Variants in RAB38 observed in about 807,000 individuals in gnomAD.
RAB38 encodes the protein ras-related protein Rab-38.
In RAB38, 15 loss-of-function variants were observed where a neutral mutation model predicts 18.4. The ratio of observed to expected loss-of-function variants is 0.82; its 90% CI spans 0.55 to 1.26. The LOEUF (loss-of-function observed/expected upper bound fraction) is 1.26. Among genes scored for constraint, RAB38 ranks in the 50% most tolerant of loss-of-function variants. The pLI is 0.00. For missense variants in RAB38, 294 were observed against 267.4 expected (o/e 1.10, Z -0.69); for synonymous variants, 101 against 104.4 (o/e 0.97, Z 0.20).
intron 2 of RAB38, among the ~76,000 whole-genome samples, chr11:88,124,123 T>C (rs1186649662): frequency 6.6e-6 from 1 of 152,200 alleles, no homozygotes; most frequent in African/African-American, 2.4e-5. Context: ...AATGGATGTG[T>C]TGATAAAGCT....
chr11:87,849,498 A>G, the RAB38 span, among the ~76,000 whole-genome samples: 2 of 152,114 alleles, frequency 1.3e-5, no homozygotes, highest in African/African-American at 4.8e-5. Flanking sequence ...CTGTTCCCTC[A>G]GGTCATGCCA....
chr11:87,904,147 T>C, the RAB38 span, among the ~76,000 whole-genome samples: 1 of 151,704 alleles, frequency 6.6e-6, no homozygotes, highest in Admixed American at 6.6e-5. Context: ...CAGTTTGTTA[T>C]TGGGTATACT....
At chr11:87,902,485 G>A in the RAB38 span, among the ~76,000 whole-genome samples, 1 of 151,242 alleles carries the variant, frequency 6.6e-6, no homozygotes, top group African/African-American at 2.4e-5. Context: ...TACTGTTTTG[G>A]TCATTCCAGG....
chr11:88,173,699 A>C, intron 1 of RAB38: 1 of 982,188 alleles, frequency 1.0e-6, no homozygotes, highest in Non-Finnish European at 1.2e-6. Flanking sequence ...ATGCAGCAAG[A>C]AAGTACACAG....
the RAB38 span, among the ~76,000 whole-genome samples, chr11:88,005,441 T>G: frequency 2.0e-5 from 3 of 151,422 alleles, no homozygotes; most frequent in African/African-American, 7.2e-5. Context: ...TAAAAATAAA[T>G]GAGCAATGAG....
the RAB38 span, among the ~76,000 whole-genome samples, chr11:88,011,406 C>T: frequency 6.6e-6 from 1 of 152,112 alleles, no homozygotes; most frequent in African/African-American, 2.4e-5. Flanking sequence ...CGTATTATTC[C>T]TATTTTACAA....
intron 1 of RAB38, among the ~76,000 whole-genome samples, chr11:88,162,690 G>T (rs1322050661): frequency 6.6e-6 from 1 of 151,918 alleles, no homozygotes; most frequent in Non-Finnish European, 1.5e-5. Flanking sequence ...TACTAGTTTT[G>T]TTCTATAACT....
At chr11:88,086,378 A>T in the RAB38 span, among the ~76,000 whole-genome samples, 1 of 151,900 alleles carries the variant, frequency 6.6e-6, no homozygotes, top group Non-Finnish European at 1.5e-5. Flanking sequence ...TGTTGTAACC[A>T]CATATTCTCC....
the RAB38 span, among the ~76,000 whole-genome samples, chr11:87,843,671 T>C: frequency 6.6e-6 from 1 of 152,228 alleles, no homozygotes; most frequent in African/African-American, 2.4e-5. Flanking sequence ...AAGCCTAAAT[T>C]TGCTTGTACA....
At chr11:88,071,381 GA>G in the RAB38 span, among the ~76,000 whole-genome samples, 2 of 152,216 alleles carry the variant, frequency 1.3e-5, no homozygotes, top group East Asian at 1.9e-4. Context: ...GGCCCAGCAA[GA>G]TCTACTGTTT....
the RAB38 span, among the ~76,000 whole-genome samples, chr11:87,824,664 T>C: frequency 3.7e-3 from 563 of 151,828 alleles, 4 homozygotes; most frequent in African/African-American, 0.013. Context: ...CATAGAAGAA[T>C]TGAAAGAGAA....
At chr11:87,860,936 G>A in the RAB38 span, among the ~76,000 whole-genome samples, 2 of 151,784 alleles carry the variant, frequency 1.3e-5, no homozygotes, top group South Asian at 4.1e-4. Flanking sequence ...TTCAAAAGAA[G>A]CCCCCATCTC....
the RAB38 span, among the ~76,000 whole-genome samples, chr11:87,829,596 A>G: frequency 6.6e-6 from 1 of 152,122 alleles, no homozygotes; most frequent in Non-Finnish European, 1.5e-5. Flanking sequence ...ATGGGGGAAA[A>G]TGCTCCCAGG....
chr11:87,855,956 T>A, the RAB38 span, among the ~76,000 whole-genome samples: 1 of 152,190 alleles, frequency 6.6e-6, no homozygotes, highest in South Asian at 2.1e-4. Flanking sequence ...CACAGAACTT[T>A]CCAACATTTA....
At chr11:88,121,037 T>C (rs986748167) in intron 2 of RAB38, among the ~76,000 whole-genome samples, 2 of 152,180 alleles carry the variant, frequency 1.3e-5, no homozygotes, top group Admixed American at 6.5e-5. Context: ...TATGCTATTA[T>C]AGAATGCGCC....
chr11:87,966,824 A>C, the RAB38 span, among the ~76,000 whole-genome samples: 1 of 152,168 alleles, frequency 6.6e-6, no homozygotes, highest in East Asian at 1.9e-4. Flanking sequence ...ATCATTTTCA[A>C]AATTTATTGG....
At chr11:87,900,184 G>C in the RAB38 span, among the ~76,000 whole-genome samples, 2 of 151,580 alleles carry the variant, frequency 1.3e-5, no homozygotes, top group African/African-American at 4.8e-5. Context: ...GGGTTTACAG[G>C]AGATTGACAC....
the RAB38 span, among the ~76,000 whole-genome samples, chr11:87,971,132 G>C: frequency 1.3e-5 from 2 of 152,044 alleles, no homozygotes; most frequent in Non-Finnish European, 2.9e-5. Flanking sequence ...ATTCCTGCCT[G>C]ATTATCAGTT....
the RAB38 span, among the ~76,000 whole-genome samples, chr11:87,914,861 G>A: frequency 1.3e-5 from 2 of 152,150 alleles, no homozygotes; most frequent in African/African-American, 4.8e-5. Flanking sequence ...TGTGACCCAG[G>A]CTTCCACTTT....
Sources: allele counts gnomAD v4.1 joint callset (sites outside exome capture counted in the v4.1 genomes callset), GRCh38; gene constraint gnomAD v4.1.1; transcripts MANE v1.5; gene names NCBI Gene and HGNC (gene_info 2026-07-23, HGNC 2026-07-21).